Variants in EVL observed in about 807,000 individuals in gnomAD.
EVL encodes Enah/Vasp-like, also known as ena/VASP-like protein.
Under a neutral mutation model 59.6 loss-of-function variants are expected in EVL, and 21 were observed. The ratio of observed to expected loss-of-function variants is 0.35; its 90% CI spans 0.25 to 0.51. The LOEUF is 0.51. Among genes scored for constraint, EVL ranks in the 20% least tolerant of loss-of-function variants. The probability of loss-of-function intolerance (pLI) is 0.97; values close to 1 mark genes in which losing one functional copy is unlikely to be tolerated. For synonymous variants in EVL, 198 were observed against 203.5 expected (o/e 0.97, Z 0.23); for missense variants, 462 against 546.6 (o/e 0.85, Z 1.54).
At chr14:99,991,843 A>G (rs1389157311) in intron 1 of EVL, among the ~76,000 whole-genome samples, 1 of 152,096 alleles carries the variant, frequency 6.6e-6, no homozygotes, top group Non-Finnish European at 1.5e-5. Context: ...CTTCCAGTCA[A>G]CAGTAGGCTA....
intron 1 of EVL, among the ~76,000 whole-genome samples, chr14:99,985,773 G>T (rs1488019972): frequency 1.4e-5 from 2 of 138,728 alleles, no homozygotes; most frequent in East Asian, 4.2e-4. Flanking sequence ...ATCTCAGAAA[G>T]AAAAAAAAAA....
upstream of EVL, among the ~76,000 whole-genome samples, chr14:100,062,042 A>G (rs2061844086): frequency 6.6e-6 from 1 of 151,446 alleles, no homozygotes. Flanking sequence ...GGAGGCTGAG[A>G]TGGGAGGATT....
At chr14:100,067,253 G>A (rs2061950182) in intron 1 of EVL, among the ~76,000 whole-genome samples, 1 of 152,186 alleles carries the variant, frequency 6.6e-6, no homozygotes, top group African/African-American at 2.4e-5. Context: ...TCCTCATGCT[G>A]ACTGACACAT....
At chr14:100,037,211 C>T (rs1244498842) in intron 1 of EVL, among the ~76,000 whole-genome samples, 2 of 152,192 alleles carry the variant, frequency 1.3e-5, no homozygotes, top group Non-Finnish European at 2.9e-5. Flanking sequence ...CTCAAGACCA[C>T]ATCTGAAGGG....
upstream of EVL, among the ~76,000 whole-genome samples, chr14:100,063,811 C>T (rs1022639061): frequency 2.6e-5 from 4 of 152,134 alleles, no homozygotes; most frequent in Non-Finnish European, 4.4e-5. Flanking sequence ...CATGCTGGGC[C>T]ATAACGCACA....
At chr14:99,986,183 T>G (rs2060838881) in intron 1 of EVL, among the ~76,000 whole-genome samples, 1 of 150,358 alleles carries the variant, frequency 6.7e-6, no homozygotes, top group African/African-American at 2.5e-5. Context: ...TCCCAGCTAC[T>G]CGGGAGGGTG....
chr14:100,137,376 C>T lies in EVL; in HGVS notation c.965-202C>T, dbSNP rs554611989. ...CAGTGAAGGGCTCAGAACCAGATCA[C>T]AGGTCAGGGTCAACCTGACCTAGGC... On this transcript the variant is annotated intron_variant, in intron 9 of 13. Coordinates refer to ENST00000392920, the MANE Select transcript of EVL (RefSeq NM_016337.3). 2.3e-5 allele frequency: 14 copies of T among 600,496 alleles called. No individual in the cohort carries two copies. The African/African-American group carries it at 2.6e-4, about 11-fold the overall frequency. The allele number at this position is 600,496 out of a possible 1,614,324, so 37.2% of individuals were successfully genotyped here.
At chr14:100,065,046 C>T (rs898161497), upstream of EVL, among the ~76,000 whole-genome samples, 2 of 152,228 alleles carry the variant, frequency 1.3e-5, no homozygotes, top group Non-Finnish European at 2.9e-5. Flanking sequence ...TGTGCTGAGC[C>T]TGCACTTTCT....
chr14:100,141,934 C>A (rs1168668280), intron 13 of EVL, 141 bp downstream of exon 13: 2 of 637,098 alleles, frequency 3.1e-6, no homozygotes, highest in African/African-American at 1.8e-5. Flanking sequence ...TTCTTACCAT[C>A]TCTAGTTGAG....
At chr14:100,059,728 G>C (rs189953050) in intron 1 of EVL, among the ~76,000 whole-genome samples, 41 of 152,096 alleles carry the variant, frequency 2.7e-4, no homozygotes, top group African/African-American at 9.4e-4. Flanking sequence ...AGTCAGATGG[G>C]GGGGTGGTTG....
chr14:99,999,627 T>C (rs547887785), intron 1 of EVL, among the ~76,000 whole-genome samples: 62 of 152,224 alleles, frequency 4.1e-4, no homozygotes, highest in Non-Finnish European at 7.5e-4. Context: ...AGACCCTGTC[T>C]CTAACACTTT....
intron 2 of EVL, chr14:100,085,096 C>G (rs760198958): frequency 2.5e-6 from 1 of 407,722 alleles, no homozygotes; most frequent in African/African-American, 2.0e-5. Context: ...CGCACCCTGC[C>G]TATTTCACTG....
At chr14:99,994,134 T>C (rs1595549362) in intron 1 of EVL, among the ~76,000 whole-genome samples, 1 of 145,866 alleles carries the variant, frequency 6.9e-6, no homozygotes. Flanking sequence ...TTTTTTTTTT[T>C]TTTTGTACTT....
intron 3 of EVL, among the ~76,000 whole-genome samples, chr14:100,115,716 A>G (rs1887298432): frequency 6.6e-6 from 1 of 152,206 alleles, no homozygotes; most frequent in Admixed American, 6.5e-5. Context: ...TGAGTAAGAC[A>G]TGTCAGCCTG....
intron 3 of EVL, among the ~76,000 whole-genome samples, chr14:100,116,075 G>C (rs1414468478): frequency 6.6e-6 from 1 of 152,222 alleles, no homozygotes; most frequent in Non-Finnish European, 1.5e-5. Flanking sequence ...ATAGTGGCCA[G>C]ACCAAGCTTA....
intron 1 of EVL, chr14:99,974,896 G>T (rs1449238011): frequency 6.6e-6 from 1 of 152,506 alleles, no homozygotes; most frequent in East Asian, 1.9e-4. Flanking sequence ...CGTGAGGGTT[G>T]CCCCCAGGAA....
At chr14:100,133,688 A>T (rs1888588134) in intron 8 of EVL, among the ~76,000 whole-genome samples, 1 of 152,156 alleles carries the variant, frequency 6.6e-6, no homozygotes, top group African/African-American at 2.4e-5. Context: ...TTGTAGTCCC[A>T]GCACTTTGGG....
At chr14:100,136,857 G>GGTTT (rs996557946) in intron 9 of EVL, among the ~76,000 whole-genome samples, 2 of 152,168 alleles carry the variant, frequency 1.3e-5, no homozygotes, top group African/African-American at 4.8e-5. Context: ...TGTGCAAAGT[G>GGTTT]GTTTGCTCAA....
At position 99,983,194 on chromosome 14, in the gene EVL, G is replaced by T. The variant is rs568808657; in HGVS notation, c.5+11137G>T. On this transcript the variant is annotated intron_variant, in intron 1 of 13. Transcript: ENST00000402714. The stretch of plus-strand genomic sequence containing the variant: ...AAATTTTGGTTTAGAAACTGCAGTT[G>T]CTATTGATGCATCACCTTCTAAGAA... 2.0e-5 allele frequency among the ~76,000 whole-genome samples: 3 copies of T among 152,294 alleles called. No individual in the cohort carries two copies. The East Asian group carries it at 5.8e-4, about 29-fold the overall frequency.
Sources: gnomAD v4.1 joint callset for allele counts (sites outside exome capture counted in the v4.1 genomes callset) on GRCh38, gnomAD v4.1.1 for gene constraint, MANE v1.5 for transcripts, NCBI Gene and HGNC (gene_info 2026-07-23, HGNC 2026-07-21) for gene names.